The following ARHGAP24 variants were observed in gnomAD, a reference collection of about 807,000 sequenced individuals.
ARHGAP24 encodes the protein Rho GTPase activating protein 24.
ARHGAP24 carries 50 observed loss-of-function variants against 76.4 expected under a neutral mutation model. That is an observed-to-expected ratio of 0.65 (90% CI 0.52 to 0.83). ARHGAP24 has a LOEUF of 0.83. ARHGAP24 is among the 40% of genes least tolerant of loss of function. The probability of loss-of-function intolerance (pLI) is 0.00; values close to 1 mark genes in which losing one functional copy is unlikely to be tolerated. For missense variants in ARHGAP24, 930 were observed against 914.2 expected (o/e 1.02, Z -0.22); for synonymous variants, 345 against 323.3 (o/e 1.07, Z -0.72).
intron 2 of ARHGAP24, among the ~76,000 whole-genome samples, chr4:85,646,606 C>G (rs1194275301): frequency 4.6e-5 from 7 of 151,940 alleles, no homozygotes; most frequent in Middle Eastern, 3.4e-3. Context: ...ATTCATAGAC[C>G]CTCATTGAAT....
intron 3 of ARHGAP24, among the ~76,000 whole-genome samples, chr4:85,740,975 CTTTAA>C (rs1725801035): frequency 6.6e-6 from 1 of 152,150 alleles, no homozygotes; most frequent in Admixed American, 6.5e-5. Context: ...TGCTTGTATT[CTTTAA>C]TTTAATTTAA....
At chr4:85,861,456 C>G (rs1437151590) in intron 3 of ARHGAP24, among the ~76,000 whole-genome samples, 1 of 152,082 alleles carries the variant, frequency 6.6e-6, no homozygotes, top group East Asian at 1.9e-4. Context: ...TTTGGCCCAG[C>G]AATCTTCAGT....
intron 3 of ARHGAP24, among the ~76,000 whole-genome samples, chr4:85,911,565 G>A (rs1286661010): frequency 6.6e-6 from 1 of 152,166 alleles, no homozygotes; most frequent in Non-Finnish European, 1.5e-5. Flanking sequence ...ATAAGTGGAT[G>A]CTTATGAGAA....
intron 3 of ARHGAP24, among the ~76,000 whole-genome samples, chr4:85,885,337 T>C (rs576304868): frequency 5.8e-4 from 89 of 152,220 alleles, no homozygotes; most frequent in Non-Finnish European, 1.0e-3. Flanking sequence ...CTATTATAGG[T>C]TTTAAAATAT....
intron 2 of ARHGAP24, among the ~76,000 whole-genome samples, chr4:85,678,710 A>C (rs902336912): frequency 1.3e-5 from 2 of 152,216 alleles, no homozygotes; most frequent in Non-Finnish European, 2.9e-5. Context: ...TATATAGCTC[A>C]TATTCATCTG....
At chr4:85,748,158 G>A (rs1726123943) in intron 3 of ARHGAP24, among the ~76,000 whole-genome samples, 1 of 152,176 alleles carries the variant, frequency 6.6e-6, no homozygotes, top group Middle Eastern at 3.2e-3. Context: ...AGTGCTTTTG[G>A]CTTTGATGTC....
chr4:85,555,495 C>T (rs1474233710), intron 1 of ARHGAP24, among the ~76,000 whole-genome samples: 1 of 152,192 alleles, frequency 6.6e-6, no homozygotes, highest in African/African-American at 2.4e-5. Flanking sequence ...TAGGTAGGCT[C>T]TTGCTTAGTC....
intron 3 of ARHGAP24, among the ~76,000 whole-genome samples, chr4:85,756,864 A>G (rs540138935): frequency 1.3e-3 from 205 of 152,234 alleles, no homozygotes; most frequent in Non-Finnish European, 2.6e-3. Context: ...AATTAAGACT[A>G]GGATAGTGGA....
intron 2 of ARHGAP24, among the ~76,000 whole-genome samples, chr4:85,597,353 G>A (rs980875600): frequency 6.6e-6 from 1 of 152,052 alleles, no homozygotes; most frequent in Non-Finnish European, 1.5e-5. Flanking sequence ...AGGGCTGACA[G>A]CTAAATGCTT....
intron 1 of ARHGAP24, among the ~76,000 whole-genome samples, chr4:85,480,273 A>G (rs916565818): frequency 2.3e-4 from 35 of 152,248 alleles, no homozygotes; most frequent in Non-Finnish European, 1.0e-4. Context: ...CTTTTTGCCT[A>G]GACTGCTAGG....
chr4:85,737,962 G>GT (rs1228892334), intron 3 of ARHGAP24, among the ~76,000 whole-genome samples: 3 of 152,018 alleles, frequency 2.0e-5, no homozygotes, highest in Admixed American at 6.6e-5. Context: ...CTTGGTTTAT[G>GT]TAGGCTGGAA....
At chr4:85,894,988 ACAAAACAAAAAGC>A (rs371057406) in intron 3 of ARHGAP24, among the ~76,000 whole-genome samples, 662 of 16,416 alleles carry the variant, frequency 0.04, 18 homozygotes, top group Middle Eastern at 0.15. Flanking sequence ...AAAAAAAAAA[ACAAAACAAAAAGC>A]AAAAAAAAAA....
At chr4:85,732,063 A>G (rs570980175) in intron 3 of ARHGAP24, among the ~76,000 whole-genome samples, 1 of 152,324 alleles carries the variant, frequency 6.6e-6, no homozygotes, top group South Asian at 2.1e-4. Context: ...TTCTCAGGCC[A>G]TTTGTGTTCA....
intron 1 of ARHGAP24, among the ~76,000 whole-genome samples, chr4:85,531,136 A>G (rs1725239969): frequency 6.6e-6 from 1 of 152,042 alleles, no homozygotes; most frequent in African/African-American, 2.4e-5. Context: ...GGGGCCAACT[A>G]GTCCAGCAGT....
chr4:85,727,093 G>A (rs527718919), intron 3 of ARHGAP24, among the ~76,000 whole-genome samples: 180 of 152,120 alleles, frequency 1.2e-3, no homozygotes, highest in Non-Finnish European at 1.9e-3. Context: ...GTTGGTGGGC[G>A]CCTATAATCC....
At chr4:85,578,833 A>G (rs1727492214) in intron 2 of ARHGAP24, among the ~76,000 whole-genome samples, 1 of 152,158 alleles carries the variant, frequency 6.6e-6, no homozygotes, top group South Asian at 2.1e-4. Flanking sequence ...TATAATATAT[A>G]CTTTATTAAT....
intron 2 of ARHGAP24, among the ~76,000 whole-genome samples, chr4:85,634,805 A>G (rs2109965623): frequency 6.6e-6 from 1 of 151,978 alleles, no homozygotes; most frequent in South Asian, 2.1e-4. Flanking sequence ...GCTTAGAATT[A>G]TTGCCACCCT....
intron 1 of ARHGAP24, among the ~76,000 whole-genome samples, chr4:85,513,025 T>G (rs1262630014): frequency 6.6e-6 from 1 of 152,244 alleles, no homozygotes; most frequent in Non-Finnish European, 1.5e-5. Context: ...TTAGATTAAT[T>G]GGCATTCTTT....
chr4:85,532,334 A>T (rs773671426), intron 1 of ARHGAP24, among the ~76,000 whole-genome samples: 1 of 152,184 alleles, frequency 6.6e-6, no homozygotes, highest in Non-Finnish European at 1.5e-5. Context: ...AGAGAAAAGC[A>T]GAGAATGATC....
Sources: gnomAD v4.1 joint callset for allele counts (sites outside exome capture counted in the v4.1 genomes callset) on GRCh38, gnomAD v4.1.1 for gene constraint, MANE v1.5 for transcripts, NCBI Gene and HGNC (gene_info 2026-07-23, HGNC 2026-07-21) for gene names.